The following FBRSL1 variants were observed in gnomAD, a reference collection of about 807,000 sequenced individuals.
FBRSL1 encodes the protein fibrosin like 1, also known as fibrosin-1-like protein.
In FBRSL1, 51 loss-of-function variants were observed where a neutral mutation model predicts 89.6. That is an observed-to-expected ratio of 0.57 (90% confidence interval 0.45 to 0.72). The LOEUF is 0.72. Ranked by LOEUF, FBRSL1 falls within the 30% of genes least tolerant of loss-of-function variation. FBRSL1 has a pLI of 0.00. For missense variants in FBRSL1, 1,618 were observed against 1,451.8 expected (o/e 1.11, Z -1.86); for synonymous variants, 779 against 681.1 (o/e 1.14, Z -2.24).
At chr12:132,577,128 ACCTCT>A (rs2040431646) in intron 15 of FBRSL1, among the ~76,000 whole-genome samples, 197 bp downstream of exon 15, 1 of 132,412 alleles carries the variant, frequency 7.6e-6, no homozygotes, top group Non-Finnish European at 1.6e-5. Context: ...TCTTCTCCTC[ACCTCT>A]CCTCTCCTGT....
intron 18 of FBRSL1, among the ~76,000 whole-genome samples, chr12:132,582,522 CG>C (rs537845567): frequency 5.3e-5 from 8 of 151,940 alleles, no homozygotes; most frequent in Non-Finnish European, 7.4e-5. Flanking sequence ...CTCTGCTCCC[CG>C]GCGACTCCTC....
intron 2 of FBRSL1, among the ~76,000 whole-genome samples, chr12:132,516,618 C>T (rs1305106818): frequency 3.3e-5 from 5 of 152,208 alleles, no homozygotes; most frequent in Non-Finnish European, 2.9e-5. Flanking sequence ...CTTTTCTGAT[C>T]GTACCAGGCA....
At position 132,490,313 on chromosome 12, in the gene FBRSL1, G is replaced by T. The variant is rs1444640797; in HGVS notation, c.-258G>T. On this transcript the variant is annotated 5_prime_UTR_variant, in exon 1 of 19. Transcript: ENST00000680143. ...GCGCGCCCCCGGGGGGGCGGCCGAG[G>T]GCCGCTGAGCGCCGGGCCCGCCCCC... 14 of 143,292 alleles carry T rather than the reference G, an allele frequency of 9.8e-5. No individual in the cohort carries two copies. Among genetic ancestry groups the T allele is most frequent in the African/African-American group, 2.8e-4 (11 of 39,860 alleles). The allele number at this position is 143,292 out of a possible 1,614,324, so 8.9% of individuals were successfully genotyped here. A position where few individuals can be genotyped will look rare whatever the true frequency, so the allele number is the denominator to read the frequency against.
chr12:132,495,323 G>T (rs2136337909), intron 1 of FBRSL1, among the ~76,000 whole-genome samples: 1 of 152,326 alleles, frequency 6.6e-6, no homozygotes, highest in South Asian at 2.1e-4. Context: ...GGCCCGGCCT[G>T]CCGAGCACCG....
At chr12:132,528,063 G>A (rs573488594) in intron 4 of FBRSL1, 75 bp downstream of exon 4, 75 of 1,363,352 alleles carry the variant, frequency 5.5e-5, no homozygotes, top group Admixed American at 3.9e-4. Flanking sequence ...TCACCTGTCC[G>A]AGGCCCCACA....
chr12:132,535,133 GA>G (rs2036600902), intron 4 of FBRSL1, among the ~76,000 whole-genome samples: 1 of 152,244 alleles, frequency 6.6e-6, no homozygotes, highest in Non-Finnish European at 1.5e-5. Flanking sequence ...CGGGGGTTAG[GA>G]ATTAATGTTA....
chr12:132,516,671 C>G (rs2034873138), intron 2 of FBRSL1, among the ~76,000 whole-genome samples: 2 of 152,198 alleles, frequency 1.3e-5, no homozygotes, highest in Non-Finnish European at 2.9e-5. Context: ...TAACTGCAAC[C>G]CTGTAACTAT....
rs2040912233 is a variant in FBRSL1 at position 132,583,233 on chromosome 12, G to C, written c.2464G>C (p.Glu822Gln). 1.4e-6 allele frequency: 2 copies of C among 1,379,888 alleles called. No individual in the cohort carries two copies. The highest frequency in any genetic ancestry group is 3.4e-5 in the East Asian group (1 of 29,320). 85.5% of individuals were successfully genotyped at this position (1,379,888 alleles called of 1,614,324 possible). Residue 822 changes from glutamate to glutamine, a missense_variant, in exon 19 of 19, where the codon GAG becomes CAG. Transcript: ENST00000680143. ...GGTCAAGGAGGAGCGCGGGGAGGAC[G>C]AGGCCTCCGAGCCCCCGGCGGGCGG... ...VKVKEERGED[E>Q]ASEPPAGGLH...
At position 132,502,089 on chromosome 12, in the gene FBRSL1, G is replaced by A. The variant is rs897055712; in HGVS notation, c.292-6064G>A. 1.3e-5 allele frequency among the ~76,000 whole-genome samples: 2 copies of A among 152,216 alleles called. 1 individual carries two copies. Among genetic ancestry groups the A allele is most frequent in the East Asian group, 3.8e-4 (2 of 5,198 alleles). On this transcript the variant is annotated intron_variant, in intron 1 of 18. Coordinates refer to ENST00000680143, the MANE Select transcript of FBRSL1 (RefSeq NM_001367871.1). Reference sequence around the variant, plus strand: ...AAGAGGTGACCTCCCGGGTCTGAGTGATGCGTCCCACTCAGTGTGTTGACC... The same window carrying A: ...AAGAGGTGACCTCCCGGGTCTGAGTAATGCGTCCCACTCAGTGTGTTGACC...
At chr12:132,530,925 C>T (rs373528228) in intron 4 of FBRSL1, among the ~76,000 whole-genome samples, 1 of 143,652 alleles carries the variant, frequency 7.0e-6, no homozygotes, top group East Asian at 2.1e-4. Context: ...GGTGTGCACC[C>T]GGGGCCTTGG....
chr12:132,532,957 G>A (rs1350991812), intron 4 of FBRSL1, among the ~76,000 whole-genome samples: 5 of 152,314 alleles, frequency 3.3e-5, no homozygotes, highest in Middle Eastern at 3.4e-3. Context: ...CGATACAGGC[G>A]CTGTCTTTAC....
chr12:132,549,138 C>T (rs1463907312), intron 5 of FBRSL1, among the ~76,000 whole-genome samples: 2 of 152,144 alleles, frequency 1.3e-5, no homozygotes, highest in African/African-American at 4.8e-5. Context: ...CAAGGTAAGT[C>T]GCCGTGGAAG....
intron 3 of FBRSL1, 40 bp downstream of exon 3, chr12:132,525,863 G>C: frequency 1.3e-6 from 2 of 1,500,312 alleles, no homozygotes; most frequent in Non-Finnish European, 1.8e-6. Context: ...CTCCGAGTCT[G>C]GGCCGCCTGC....
chr12:132,556,201 T>C (rs1032053518), intron 5 of FBRSL1, among the ~76,000 whole-genome samples: 5 of 152,176 alleles, frequency 3.3e-5, no homozygotes, highest in African/African-American at 1.2e-4. Flanking sequence ...CGGGTGGAGA[T>C]GGTGAACACA....
At chr12:132,576,992 C>T in intron 15 of FBRSL1, 61 bp downstream of exon 15, 1 of 1,511,102 alleles carries the variant, frequency 6.6e-7, no homozygotes, top group South Asian at 1.3e-5. Context: ...CCCAGCTGAG[C>T]CTGCCTTCCT....
chr12:132,534,397 C>G (rs1360107575), intron 4 of FBRSL1, among the ~76,000 whole-genome samples: 1 of 152,254 alleles, frequency 6.6e-6, no homozygotes, highest in Non-Finnish European at 1.5e-5. Context: ...CATGAGGAGA[C>G]CTCGCCTCCA....
At chr12:132,566,887 G>A (rs993586648) in intron 5 of FBRSL1, among the ~76,000 whole-genome samples, 16 of 152,310 alleles carry the variant, frequency 1.1e-4, no homozygotes, top group East Asian at 3.9e-4. Context: ...GGCACATAGC[G>A]CGGTGTCCTG....
chr12:132,583,856 G>A lies in FBRSL1; in HGVS notation c.*78G>A, dbSNP rs2040969900. 1.1e-5 allele frequency: 10 copies of A among 886,346 alleles called. No homozygotes were observed. Among genetic ancestry groups the A allele is most frequent in the Non-Finnish European group, 1.3e-5 (9 of 702,786 alleles). 54.9% of individuals were successfully genotyped at this position (886,346 alleles called of 1,614,324 possible). A position where few individuals can be genotyped will look rare whatever the true frequency, so the allele number is the denominator to read the frequency against. On this transcript the variant is annotated 3_prime_UTR_variant, in exon 19 of 19. Coordinates refer to ENST00000680143, the MANE Select transcript of FBRSL1 (RefSeq NM_001367871.1). ...CATCAGTTCCTAGAACTCAAGCACA[G>A]CTCCCGCCGATCCTGGGGCGGCGCC...
At chr12:132,515,281 G>T (rs1408242406) in intron 2 of FBRSL1, among the ~76,000 whole-genome samples, 2 of 152,142 alleles carry the variant, frequency 1.3e-5, no homozygotes, top group Non-Finnish European at 2.9e-5. Context: ...GAACCACCCA[G>T]ATGACTGGGC....
Sources: gnomAD v4.1 joint callset for allele counts (sites outside exome capture counted in the v4.1 genomes callset) on GRCh38, gnomAD v4.1.1 for gene constraint, MANE v1.5 for transcripts, NCBI Gene and HGNC (gene_info 2026-07-23, HGNC 2026-07-21) for gene names.